The following DAPK1 variants were observed in gnomAD, a reference collection of about 807,000 sequenced individuals.
The protein encoded by DAPK1 is death-associated protein kinase 1.
Under a neutral mutation model 144.9 loss-of-function variants are expected in DAPK1, and 56 were observed. The ratio of observed to expected loss-of-function variants is 0.39; its 90% CI spans 0.31 to 0.48. The LOEUF is 0.48. Among genes scored for constraint, DAPK1 ranks in the 20% least tolerant of loss-of-function variants. The probability of loss-of-function intolerance (pLI) is 0.95; values close to 1 mark genes in which losing one functional copy is unlikely to be tolerated. For synonymous variants in DAPK1, 690 were observed against 749.0 expected (o/e 0.92, Z 1.29); for missense variants, 1,454 against 1,875.4 (o/e 0.78, Z 4.15).
intron 2 of DAPK1, among the ~76,000 whole-genome samples, chr9:87,578,943 G>A (rs1052673507): frequency 3.3e-5 from 5 of 152,176 alleles, no homozygotes; most frequent in Non-Finnish European, 7.3e-5. Flanking sequence ...CATCTCTAAT[G>A]TTTTGTACCA....
At chr9:87,510,242 C>G (rs374287393) in intron 2 of DAPK1, among the ~76,000 whole-genome samples, 1 of 152,132 alleles carries the variant, frequency 6.6e-6, no homozygotes, top group Admixed American at 6.5e-5. Context: ...CATGGAGAAG[C>G]AGGAAGTCCC....
chr9:87,605,741 G>A lies in DAPK1; in HGVS notation c.284+566G>A, dbSNP rs3128523. Among the ~76,000 whole-genome samples, 350 of 152,290 alleles carry A rather than the reference G, an allele frequency of 2.3e-3. 2 individuals carry two copies. The highest frequency in any genetic ancestry group is 3.5e-3 in the Non-Finnish European group (239 of 68,036). On this transcript the variant is annotated intron_variant, in intron 3 of 25. Coordinates refer to ENST00000408954, the MANE Select transcript of DAPK1 (RefSeq NM_004938.4). Reference sequence around the variant, plus strand: ...TGATTTTCTCAGGCAAGCCATGCCCGTCGGATGTTATTATGGGAAACTGAT... The same window carrying A: ...TGATTTTCTCAGGCAAGCCATGCCCATCGGATGTTATTATGGGAAACTGAT...
intron 3 of DAPK1, among the ~76,000 whole-genome samples, chr9:87,608,709 G>A (rs1049693638): frequency 2.0e-5 from 3 of 152,192 alleles, no homozygotes; most frequent in African/African-American, 7.2e-5. Flanking sequence ...ACTGCATGAT[G>A]ACCCTAAATG....
intron 2 of DAPK1, among the ~76,000 whole-genome samples, chr9:87,563,375 G>T (rs1294146625): frequency 6.6e-6 from 1 of 152,162 alleles, no homozygotes; most frequent in African/African-American, 2.4e-5. Flanking sequence ...CCATTTGAAA[G>T]ATACAGTGTG....
At chr9:87,589,250 T>C (rs1418968617) in intron 2 of DAPK1, among the ~76,000 whole-genome samples, 1 of 151,978 alleles carries the variant, frequency 6.6e-6, no homozygotes, top group Non-Finnish European at 1.5e-5. Context: ...TTAGAGACCA[T>C]AGTCCAGCCT....
intron 17 of DAPK1, among the ~76,000 whole-genome samples, chr9:87,655,428 G>A (rs1163952193): frequency 6.6e-6 from 1 of 152,096 alleles, no homozygotes; most frequent in East Asian, 1.9e-4. Flanking sequence ...CGTAACAGAA[G>A]GCATCGCTTC....
At chr9:87,531,618 T>C (rs2118361995) in intron 2 of DAPK1, among the ~76,000 whole-genome samples, 1 of 152,246 alleles carries the variant, frequency 6.6e-6, no homozygotes, top group Admixed American at 6.5e-5. Context: ...AGTGTAATGT[T>C]GAGAAAAAAC....
chr9:87,701,363 A>G (rs1444340329), intron 24 of DAPK1, among the ~76,000 whole-genome samples: 1 of 152,234 alleles, frequency 6.6e-6, no homozygotes, highest in Non-Finnish European at 1.5e-5. Flanking sequence ...TGTATTTTCA[A>G]AATAACTAGG....
chr9:87,643,808 T>C (rs951576849), intron 11 of DAPK1, among the ~76,000 whole-genome samples: 1 of 151,974 alleles, frequency 6.6e-6, no homozygotes, highest in Non-Finnish European at 1.5e-5. Context: ...CACGCACTGA[T>C]ATTTTGGTAA....
rs115678289 is a variant in DAPK1 at position 87,565,505 on chromosome 9, A to C, written c.63-39449A>C. 3.7e-3 allele frequency among the ~76,000 whole-genome samples: 570 copies of C among 152,298 alleles called. 3 individuals are homozygous for C. Among genetic ancestry groups the C allele is most frequent in the African/African-American group, 0.012 (518 of 41,564 alleles). ...CACTACAGGTCATTGCAGCAGGCTAATAGGAGAATGGCTAGTATGGCACTA... is the reference window on the plus strand; with the variant it reads ...CACTACAGGTCATTGCAGCAGGCTACTAGGAGAATGGCTAGTATGGCACTA... On this transcript the variant is annotated intron_variant, in intron 2 of 25. Coordinates refer to ENST00000408954, the MANE Select transcript of DAPK1 (RefSeq NM_004938.4).
Position 87,605,199 on chromosome 9 carries a change from G to C in DAPK1, c.284+24G>C, listed in dbSNP as rs145223348. On this transcript the variant is annotated intron_variant, in intron 3 of 25. Coordinates refer to ENST00000408954, the MANE Select transcript of DAPK1 (RefSeq NM_004938.4). ...CTGTGAGTGCCGCCTGGGCCAGGCTGGGGAGAGGGTGTGGTGGGCGTCAGC... is the reference window on the plus strand; with the variant it reads ...CTGTGAGTGCCGCCTGGGCCAGGCTCGGGAGAGGGTGTGGTGGGCGTCAGC... 4,773 of 1,594,650 alleles carry C rather than the reference G, an allele frequency of 3.0e-3. 15 individuals carry two copies. The highest frequency in any genetic ancestry group is 3.6e-3 in the South Asian group (329 of 90,670).
Position 87,501,772 on chromosome 9 carries a change from T to C in DAPK1, c.62+2633T>C, listed in dbSNP as rs185205151. 5.7e-4 allele frequency among the ~76,000 whole-genome samples: 87 copies of C among 152,306 alleles called. 2 individuals are homozygous for C. Among genetic ancestry groups the C allele is most frequent in the Admixed American group, 5.6e-3 (86 of 15,294 alleles). On this transcript the variant is annotated intron_variant, in intron 2 of 25. Transcript: ENST00000408954. ...TACTGCCTAAGACTTCTGTAAAAGCTCTCTGTCAACGGTCAGGAACTTTAT... is the reference window on the plus strand; with the variant it reads ...TACTGCCTAAGACTTCTGTAAAAGCCCTCTGTCAACGGTCAGGAACTTTAT...
intron 18 of DAPK1, 84 bp from the exon 19 acceptor site, chr9:87,668,513 G>T: frequency 2.3e-6 from 2 of 851,834 alleles, no homozygotes; most frequent in Non-Finnish European, 4.1e-6. Context: ...GCTTGTTTCT[G>T]CCTCAGACCC....
At chr9:87,693,343 C>G (rs1170116728) in intron 21 of DAPK1, among the ~76,000 whole-genome samples, 1 of 151,536 alleles carries the variant, frequency 6.6e-6, no homozygotes, top group East Asian at 1.9e-4. Flanking sequence ...ATTCTTCCTT[C>G]TGCTTGATCT....
chr9:87,702,115 C>T (rs1397742709), intron 24 of DAPK1, among the ~76,000 whole-genome samples: 2 of 152,276 alleles, frequency 1.3e-5, no homozygotes, highest in African/African-American at 2.4e-5. Flanking sequence ...CCCCTAAACT[C>T]CTGAGCTCAG....
At chr9:87,560,013 G>GT (rs60582281) in intron 2 of DAPK1, among the ~76,000 whole-genome samples, 92,388 of 148,064 alleles carry the variant, frequency 0.62, 29,745 homozygotes, top group African/African-American at 0.78. Context: ...TTCTTTTTTT[G>GT]TTTTTTTTTG....
chr9:87,703,049 C>A lies in DAPK1; in HGVS notation c.2892C>A (p.His964Gln). 1 of 1,588,498 alleles carries A rather than the reference C, an allele frequency of 6.3e-7. No homozygotes were observed. Residue 964 changes from histidine (H) to glutamine (Q), a missense_variant, in exon 25 of 26, where the codon CAC becomes CAA. By Grantham distance (24) the His-to-Gln change is conservative. Around this residue, in one of 2 missense-constraint regions of DAPK1, gnomAD observed 1,025 missense variants for 1,237.9 expected, o/e 0.83. Coordinates refer to ENST00000408954, the MANE Select transcript of DAPK1 (RefSeq NM_004938.4). ...QIVSVCPPMT[H>Q]LCEKIISTLP... ...TCTAGGTCTGTCCTCCCATGACTCA[C>A]CTGTGTGAGAAAATCATCTCCACGC...
intron 21 of DAPK1, 51 bp from the exon 22 acceptor site, chr9:87,696,956 A>C (rs1026153523): frequency 7.8e-6 from 7 of 902,620 alleles, no homozygotes; most frequent in African/African-American, 4.9e-5. Flanking sequence ...TTTATGATTG[A>C]AATTTGGTTA....
intron 18 of DAPK1, among the ~76,000 whole-genome samples, chr9:87,665,758 A>G (rs753561265): frequency 7.9e-5 from 12 of 152,232 alleles, no homozygotes; most frequent in Non-Finnish European, 1.6e-4. Flanking sequence ...TCATGGGGCC[A>G]ACTTGGGAAT....
Sources: gnomAD v4.1 joint callset for allele counts (sites outside exome capture counted in the v4.1 genomes callset) on GRCh38, gnomAD v4.1.1 for gene constraint, gnomAD v4.1.1 regional missense constraint, MANE v1.5 for transcripts, NCBI Gene and HGNC (gene_info 2026-07-23, HGNC 2026-07-21) for gene names.